SCN7A: variants seen among roughly 807,000 people sequenced by gnomAD.
SCN7A encodes sodium channel protein type 7 subunit alpha.
SCN7A carries 138 observed loss-of-function variants against 155.2 expected under a neutral mutation model. The observed-to-expected ratio is 0.89, with a 90% CI of 0.77 to 1.02. The LOEUF (loss-of-function observed/expected upper bound fraction) is 1.02. Ranked by LOEUF, SCN7A falls within the 50% of genes least tolerant of loss-of-function variation. The pLI is 0.00. For synonymous variants in SCN7A, 693 were observed against 649.0 expected, an observed-to-expected ratio of 1.07 and a Z score of -1.03; for missense variants, 2,058 against 1,986.6, an observed-to-expected ratio of 1.04 and a Z score of -0.68.
intron 17 of SCN7A, 120 bp from the exon 18 acceptor site, chr2:166,428,062 T>C: frequency 9.6e-7 from 1 of 1,046,936 alleles, no homozygotes; most frequent in Middle Eastern, 3.2e-4. Context: ...CCAGGTTGTC[T>C]CTGATTTATA....
rs1487877649 is a variant in SCN7A, at chr2:166,477,611, T to C, written c.86A>G (p.His29Arg). Residue 29 changes from histidine to arginine, a missense_variant, in exon 3 of 26, where the codon CAT (histidine) becomes CGT (arginine). Physicochemically the swap from His to Arg is conservative, Grantham distance 29. Transcript: ENST00000643258. ...ELIKQHIAKTHNEDHEEEDLK... is the reference protein window; with the variant it reads ...ELIKQHIAKTRNEDHEEEDLK... The stretch of plus-strand genomic sequence containing the variant: ...GTCTTCTTCTTCATGGTCTTCATTA[T>C]GTGTTTTAGCAATATGCTGTTTTAT... 5 of 1,602,096 alleles carry C rather than the reference T, an allele frequency of 3.1e-6. No homozygotes were observed. The highest frequency in any genetic ancestry group is 2.2e-5 in the South Asian group (2 of 89,224).
rs538308281 is a variant in SCN7A, at chr2:166,471,178, G to A, written c.573-472C>T. On this transcript the variant is annotated intron_variant, in intron 6 of 25. Transcript: ENST00000643258. ...TGATGAAGGTATAAGCAGACTGTGT[G>A]TTGTTTAAGGGCACAGACTCTGAAG... Among the ~76,000 whole-genome samples the A allele has an allele frequency of 3.9e-5, 6 of 152,002 alleles. No homozygotes were observed. The South Asian group carries it at 1.2e-3, about 31-fold the overall frequency.
chr2:166,470,799 C>G (rs1702637847), intron 6 of SCN7A, 93 bp from the exon 7 acceptor site: 13 of 1,062,660 alleles, frequency 1.2e-5, no homozygotes, highest in Non-Finnish European at 1.6e-5. Flanking sequence ...ATTTTTAAAA[C>G]CATATATGCA....
rs184494102 is a variant in SCN7A at position 166,455,451 on chromosome 2, C to T, written c.1290+1419G>A. On this transcript the variant is annotated intron_variant, in intron 11 of 25. Coordinates refer to ENST00000643258, the MANE Select transcript of SCN7A (RefSeq NM_002976.4). ...AGTGAATTAACACAGGAACAGAAAA[C>T]TAAATACTGCATGTTCTCAGTTACT... 2.9e-3 allele frequency among the ~76,000 whole-genome samples: 438 copies of T among 152,068 alleles called. 6 individuals carry two copies. Among genetic ancestry groups the T allele is most frequent in the African/African-American group, 9.7e-3 (404 of 41,480 alleles).
chr2:166,475,800 A>G (rs776606118), intron 3 of SCN7A, among the ~76,000 whole-genome samples: 1 of 152,008 alleles, frequency 6.6e-6, no homozygotes, highest in Non-Finnish European at 1.5e-5. Context: ...TAAACCAAAT[A>G]CAAGTCAAAT....
intron 15 of SCN7A, among the ~76,000 whole-genome samples, chr2:166,433,468 AT>A (rs1290651346): frequency 6.6e-6 from 1 of 152,136 alleles, no homozygotes; most frequent in Non-Finnish European, 1.5e-5. Context: ...GCAAGAATTT[AT>A]TTTAAGCTCA....
chr2:166,441,297 A>G (rs902263808), intron 15 of SCN7A, 99 bp downstream of exon 15: 7 of 799,470 alleles, frequency 8.8e-6, no homozygotes, highest in East Asian at 2.7e-5. Context: ...TTGGACTACC[A>G]CAGTTACAGA....
chr2:166,417,037 A>C, intron 20 of SCN7A, 52 bp from the exon 21 acceptor site: 2 of 1,385,620 alleles, frequency 1.4e-6, no homozygotes, highest in Non-Finnish European at 1.9e-6. Flanking sequence ...AAACTGTTTT[A>C]GTTTTTGATC....
At chr2:166,438,553 AT>A (rs1175045611) in intron 15 of SCN7A, among the ~76,000 whole-genome samples, 6 of 152,246 alleles carry the variant, frequency 3.9e-5, no homozygotes, top group African/African-American at 1.2e-4. Flanking sequence ...ACATATAATA[AT>A]TTTTTGTAAG....
At chr2:166,419,361 CT>C (rs577713747) in intron 20 of SCN7A, among the ~76,000 whole-genome samples, 364 of 134,734 alleles carry the variant, frequency 2.7e-3, no homozygotes, top group African/African-American at 4.1e-3. Context: ...ATGTGGCTGT[CT>C]TTTTTTTTTT....
chr2:166,432,741 C>G lies in SCN7A; in HGVS notation c.2169G>C (p.Leu723=), dbSNP rs781120962. 6.5e-7 allele frequency: 1 copy of G among 1,535,768 alleles called. No individual in the cohort carries two copies. The highest frequency in any genetic ancestry group is 2.2e-5 in the Admixed American group (1 of 45,256). ...ILIGNLLVLY[L]FLALVSSFSS... ...TAAATGAGCTCACCAATGCCAGAAA[C>G]AGGTAAAGTACCTAAATAAGGAAGT... Residue 723 remains leucine, a synonymous_variant, in exon 16 of 26, where the codon CTG becomes CTC. Transcript: ENST00000643258.
At chr2:166,420,524 T>C (rs985001079) in intron 20 of SCN7A, among the ~76,000 whole-genome samples, 1 of 152,110 alleles carries the variant, frequency 6.6e-6, no homozygotes, top group Admixed American at 6.6e-5. Context: ...CAGACTCCAT[T>C]TTTTTCTATT....
chr2:166,420,176 T>C (rs944488362), intron 20 of SCN7A, among the ~76,000 whole-genome samples: 1 of 152,058 alleles, frequency 6.6e-6, no homozygotes, highest in Non-Finnish European at 1.5e-5. Flanking sequence ...TTTGTATTTA[T>C]AGAGAAAAAT....
chr2:166,477,727 A>G lies in SCN7A; in HGVS notation c.-14-17T>C, dbSNP rs772095223. ...ATTTTGTACCTGCAAAAAATTCTGTATTAAAGTTGGGTATACTAATAAAAC... is the reference window on the plus strand; with the variant it reads ...ATTTTGTACCTGCAAAAAATTCTGTGTTAAAGTTGGGTATACTAATAAAAC... On this transcript the variant is annotated splice_polypyrimidine_tract_variant and intron_variant, in intron 2 of 25. Transcript: ENST00000643258. The G allele has an allele frequency of 2.0e-6, 3 of 1,477,398 alleles. No individual in the cohort carries two copies. Among genetic ancestry groups the G allele is most frequent in the Non-Finnish European group, 2.7e-6 (3 of 1,106,334 alleles). The allele number at this position is 1,477,398 out of a possible 1,614,324, so 91.5% of individuals were successfully genotyped here.
intron 1 of SCN7A, 33 bp downstream of exon 1, chr2:166,493,935 G>A (rs1177538000): frequency 6.6e-6 from 1 of 152,600 alleles, no homozygotes; most frequent in East Asian, 1.9e-4. Flanking sequence ...ACCATTCTGG[G>A]ACTGGACACA....
At chr2:166,464,077 A>G (rs1702471034) in intron 9 of SCN7A, among the ~76,000 whole-genome samples, 1 of 151,822 alleles carries the variant, frequency 6.6e-6, no homozygotes, top group African/African-American at 2.4e-5. Flanking sequence ...ACATACACAC[A>G]TACACATATA....
intron 1 of SCN7A, among the ~76,000 whole-genome samples, chr2:166,487,623 G>A (rs1358840896): frequency 6.6e-6 from 1 of 152,170 alleles, no homozygotes; most frequent in Non-Finnish European, 1.5e-5. Flanking sequence ...AGAAACTGGA[G>A]TTGATCCTAG....
chr2:166,437,211 G>A (rs1559102979), intron 15 of SCN7A, among the ~76,000 whole-genome samples: 1 of 152,240 alleles, frequency 6.6e-6, no homozygotes. Context: ...CTGGTGCCCA[G>A]TGTCCCAGCT....
intron 11 of SCN7A, among the ~76,000 whole-genome samples, chr2:166,453,048 AG>A (rs1174587837): frequency 6.6e-6 from 1 of 152,264 alleles, no homozygotes; most frequent in African/African-American, 2.4e-5. Flanking sequence ...ATAATTAACG[AG>A]TGATTATTTA....
Sources: allele counts gnomAD v4.1 joint callset (sites outside exome capture counted in the v4.1 genomes callset), GRCh38; gene constraint gnomAD v4.1.1; transcripts MANE v1.5; gene names NCBI Gene and HGNC (gene_info 2026-07-23, HGNC 2026-07-21).